The following BRD3 variants were observed in gnomAD, a reference collection of about 807,000 sequenced individuals.
BRD3 encodes bromodomain containing 3, also known as bromodomain-containing protein 3.
A neutral mutation model predicts 66.8 loss-of-function variants in BRD3; 17 were observed. The observed-to-expected ratio is 0.25, with a 90% CI of 0.17 to 0.38. BRD3 has a LOEUF of 0.38. Ranked by LOEUF, BRD3 falls within the 10% of genes least tolerant of loss-of-function variation. The pLI, the probability that BRD3 is intolerant of heterozygous loss-of-function variation, is 1.00. For synonymous variants in BRD3, 421 were observed against 393.2 expected (o/e 1.07, Z -0.84); for missense variants, 713 against 956.1 (o/e 0.75, Z 3.35).
At chr9:134,039,512 C>T (rs1829994403) in intron 9 of BRD3, among the ~76,000 whole-genome samples, 1 of 152,204 alleles carries the variant, frequency 6.6e-6, no homozygotes. Flanking sequence ...TGGGAAGCCT[C>T]CCTTCCACCT....
chr9:134,061,738 G>A (rs977863653), intron 1 of BRD3, among the ~76,000 whole-genome samples: 7 of 152,210 alleles, frequency 4.6e-5, no homozygotes, highest in Non-Finnish European at 1.0e-4. Context: ...GGGGCACAAC[G>A]TCGCCCAGGC....
intron 8 of BRD3, 71 bp from the exon 9 acceptor site, chr9:134,040,340 G>A (rs1185174568): frequency 1.8e-5 from 27 of 1,510,302 alleles, no homozygotes; most frequent in Non-Finnish European, 2.3e-5. Flanking sequence ...GGCGCCCTGG[G>A]ATTGGAGGGG....
At position 134,053,292 on chromosome 9, in the gene BRD3, G is replaced by A. The variant is rs145784844; in HGVS notation, c.186C>T (p.Pro62=). 1.9e-5 allele frequency: 30 copies of A among 1,613,490 alleles called. No individual in the cohort carries two copies. Among genetic ancestry groups the A allele is most frequent in the Admixed American group, 1.7e-4 (10 of 60,020 alleles). The change falls in exon 2 of 12, where the codon CCC becomes CCT. Residue 62 remains proline, a synonymous_variant. Transcript: ENST00000303407. ...GCAGGTTCAATTTGATTGCGTCCAC[G>A]GGCTGGTAGAAGGGCCAGGCGAACT... ...KHQFAWPFYQ[P]VDAIKLNLPD... is the part of the protein sequence containing the mutation.
chr9:134,053,621 G>A, intron 1 of BRD3, 31 bp from the exon 2 acceptor site: 1 of 1,432,360 alleles, frequency 7.0e-7, no homozygotes, highest in African/African-American at 1.4e-5. Context: ...CAGAGAGGAA[G>A]GCCAGTCACC....
intron 1 of BRD3, among the ~76,000 whole-genome samples, chr9:134,061,674 T>TG (rs901843964): frequency 1.3e-5 from 2 of 152,232 alleles, no homozygotes; most frequent in African/African-American, 4.8e-5. Context: ...CCTGCGTCAG[T>TG]GGGGGTCAGA....
chr9:134,034,529 C>A (rs998802771), intron 11 of BRD3, 172 bp downstream of exon 11: 28 of 924,548 alleles, frequency 3.0e-5, no homozygotes, highest in Middle Eastern at 3.3e-4. Flanking sequence ...GTATGACCCC[C>A]AGTGACAGAC....
chr9:134,036,009 C>T, intron 10 of BRD3, 23 bp downstream of exon 10: 1 of 1,567,912 alleles, frequency 6.4e-7, no homozygotes, highest in Non-Finnish European at 8.7e-7. Context: ...CTTCAAGCAC[C>T]ACGCTCCACG....
rs764686163 is a variant in BRD3 at position 134,050,507 on chromosome 9, G to C, written c.581C>G (p.Pro194Arg). ...TGGTACAGGGGTGGCAGCGATGACG[G>C]GCGTCTGGGAGACGGTGGGGGGCAC... ...QSVPPTVSQT[P>R]VIAATPVPTI... Residue 194 changes from proline (P) to arginine (R), a missense_variant, in exon 5 of 12, where the codon CCC becomes CGC. This residue lies in a region of BRD3 where 120 missense variants were observed against 122.8 expected (regional missense o/e 0.98). Transcript: ENST00000303407. The C allele has an allele frequency of 2.5e-6, 4 of 1,607,456 alleles. No individual in the cohort carries two copies. Among genetic ancestry groups the C allele is most frequent in the Non-Finnish European group, 3.4e-6 (4 of 1,176,648 alleles).
At chr9:134,046,090 G>T (rs1489411118) in intron 6 of BRD3, among the ~76,000 whole-genome samples, 1 of 152,178 alleles carries the variant, frequency 6.6e-6, no homozygotes, top group Non-Finnish European at 1.5e-5. Context: ...CCCACCGCAG[G>T]TCCCACCTGG....
intron 7 of BRD3, among the ~76,000 whole-genome samples, chr9:134,043,042 T>C (rs910874068): frequency 1.3e-5 from 2 of 152,176 alleles, no homozygotes; most frequent in African/African-American, 4.8e-5. Context: ...AGTTTCACCA[T>C]GTTGGCCAGG....
At chr9:134,065,839 G>A (rs73564617) in intron 1 of BRD3, among the ~76,000 whole-genome samples, 1,563 of 152,294 alleles carry the variant, frequency 0.01, 36 homozygotes, top group African/African-American at 0.035. Flanking sequence ...GGGCTCCCGC[G>A]GCTGGCATCT....
At chr9:134,046,989 C>T (rs1168493932) in intron 6 of BRD3, among the ~76,000 whole-genome samples, 1 of 152,234 alleles carries the variant, frequency 6.6e-6, no homozygotes, top group Non-Finnish European at 1.5e-5. Context: ...ACACACAAAC[C>T]CCAGCCCTGG....
chr9:134,045,127 A>C lies in BRD3; in HGVS notation c.1215+166T>G, dbSNP rs1438965170. Reference sequence around the variant, plus strand: ...TGGCAGCTCCTGGAACCCAGCTCAGAGCCTGACAGGGACCTGGTTGGCACT... The same window carrying C: ...TGGCAGCTCCTGGAACCCAGCTCAGCGCCTGACAGGGACCTGGTTGGCACT... On this transcript the variant is annotated intron_variant, in intron 7 of 11. Transcript: ENST00000303407. This position sits in a 1 kb window ranked among gnomAD's most constrained non-coding sequence, Gnocchi z 4.8. 1.3e-5 allele frequency among the ~76,000 whole-genome samples: 2 copies of C among 152,198 alleles called. No homozygotes were observed. Among genetic ancestry groups the C allele is most frequent in the Non-Finnish European group, 2.9e-5 (2 of 68,028 alleles).
chr9:134,065,876 G>A (rs796416769), intron 1 of BRD3, among the ~76,000 whole-genome samples: 5 of 152,298 alleles, frequency 3.3e-5, no homozygotes, highest in African/African-American at 1.2e-4. Flanking sequence ...GAGGGTAGAG[G>A]AAGGTAGCAC....
intron 7 of BRD3, among the ~76,000 whole-genome samples, chr9:134,044,396 C>T (rs1385154878): frequency 6.6e-6 from 1 of 152,094 alleles, no homozygotes; most frequent in Non-Finnish European, 1.5e-5. Flanking sequence ...ATGGGCTGCT[C>T]GGGGATTTCA....
At chr9:134,061,563 G>C (rs550991175) in intron 1 of BRD3, among the ~76,000 whole-genome samples, 130 of 152,308 alleles carry the variant, frequency 8.5e-4, no homozygotes, top group Non-Finnish European at 1.7e-3. Flanking sequence ...ATTCCCCATG[G>C]GTCTCCAGCC....
chr9:134,040,678 A>G (rs1259959819), intron 8 of BRD3, among the ~76,000 whole-genome samples: 2 of 152,366 alleles, frequency 1.3e-5, no homozygotes, highest in African/African-American at 4.8e-5. Context: ...CGTCATCTAC[A>G]TTAGGTGGGC....
chr9:134,051,881 T>TGTGTGTGTGTGTGTG (rs1564555879), intron 3 of BRD3, among the ~76,000 whole-genome samples, 172 bp from the exon 4 acceptor site: 2 of 51,786 alleles, frequency 3.9e-5, no homozygotes, highest in African/African-American at 2.0e-4. Context: ...GTGTGTGTTG[T>TGTGTGTGTGTGTGTG]TTTTTTTGTT....
rs111438751 is a variant in BRD3, at chr9:134,045,083, G to A, written c.1215+210C>T. Reference sequence around the variant, plus strand: ...AGAGCCCCAGTGGTCCCACCTGCTCGCTGGCTGCCCTGCCCCAGTGGCAGC... The same window carrying A: ...AGAGCCCCAGTGGTCCCACCTGCTCACTGGCTGCCCTGCCCCAGTGGCAGC... On this transcript the variant is annotated intron_variant, in intron 7 of 11. Transcript: ENST00000303407. This position sits in a 1 kb window ranked among gnomAD's most constrained non-coding sequence, Gnocchi z 4.8. 6.6e-5 allele frequency among the ~76,000 whole-genome samples: 10 copies of A among 152,296 alleles called. No homozygotes were observed. Among genetic ancestry groups the A allele is most frequent in the Admixed American group, 2.0e-4 (3 of 15,296 alleles).
Sources: allele counts gnomAD v4.1 joint callset (sites outside exome capture counted in the v4.1 genomes callset), GRCh38; gene constraint gnomAD v4.1.1; regional missense constraint gnomAD v4.1.1; non-coding constraint Gnocchi (gnomAD v3.1); transcripts MANE v1.5; gene names NCBI Gene and HGNC (gene_info 2026-07-23, HGNC 2026-07-21).